Variants in DCPH1 observed in about 807,000 individuals in gnomAD.
DCPH1 encodes the protein damage-control phosphatase 1.
At chr6:151,464,301 G>C in the DCPH1 span, 5 of 509,756 alleles carry the variant, frequency 9.8e-6, no homozygotes, top group East Asian at 1.4e-4. Context: ...TGATTATTTA[G>C]TATTAAGTTT....
At chr6:151,457,195 G>A in the DCPH1 span, among the ~76,000 whole-genome samples, 3 of 152,154 alleles carry the variant, frequency 2.0e-5, no homozygotes, top group African/African-American at 4.8e-5. Flanking sequence ...TCAAACGTCC[G>A]TGCCCTTAGA....
At chr6:151,459,147 A>G in the DCPH1 span, among the ~76,000 whole-genome samples, 1 of 152,330 alleles carries the variant, frequency 6.6e-6, no homozygotes, top group East Asian at 1.9e-4. Context: ...AATAAAATAG[A>G]TAAATAAAGC....
the DCPH1 span, among the ~76,000 whole-genome samples, chr6:151,462,003 CAA>C: frequency 6.6e-6 from 1 of 152,150 alleles, no homozygotes; most frequent in Non-Finnish European, 1.5e-5. Flanking sequence ...TATCCTAGGT[CAA>C]TGGCAACTCC....
chr6:151,468,518 C>T, the DCPH1 span: 3,432 of 1,613,708 alleles, frequency 2.1e-3, 55 homozygotes, highest in African/African-American at 0.041. Context: ...AAAGCTTCTG[C>T]TACTAGAGTG....
At chr6:151,467,436 TA>T in the DCPH1 span, among the ~76,000 whole-genome samples, 6 of 149,832 alleles carry the variant, frequency 4.0e-5, no homozygotes, top group African/African-American at 7.3e-5. Flanking sequence ...CCATCTTTAT[TA>T]AAAAAAAAAT....
the DCPH1 span, chr6:151,458,385 T>C: frequency 1.2e-6 from 2 of 1,613,730 alleles, no homozygotes; most frequent in Non-Finnish European, 1.7e-6. Context: ...ACGGAATGAA[T>C]TGCAAACAGA....
the DCPH1 span, among the ~76,000 whole-genome samples, chr6:151,456,205 C>T: frequency 7.9e-5 from 12 of 152,138 alleles, no homozygotes; most frequent in Non-Finnish European, 1.5e-5. Flanking sequence ...AGACATAGGT[C>T]TTTAAACTTG....
At chr6:151,453,143 A>C in the DCPH1 span, among the ~76,000 whole-genome samples, 1 of 152,208 alleles carries the variant, frequency 6.6e-6, no homozygotes, top group Non-Finnish European at 1.5e-5. Flanking sequence ...CTTTGAAGAA[A>C]ATAAACCTGG....
At chr6:151,462,793 G>T in the DCPH1 span, among the ~76,000 whole-genome samples, 1 of 152,142 alleles carries the variant, frequency 6.6e-6, no homozygotes, top group Non-Finnish European at 1.5e-5. Context: ...ATATAGTTAT[G>T]TGAGTTTACT....
the DCPH1 span, among the ~76,000 whole-genome samples, chr6:151,454,180 C>T: frequency 6.6e-6 from 1 of 152,172 alleles, no homozygotes; most frequent in Non-Finnish European, 1.5e-5. Flanking sequence ...GGTGACTTAG[C>T]AGATAGTAGA....
chr6:151,457,850 C>T, the DCPH1 span, among the ~76,000 whole-genome samples: 1 of 151,982 alleles, frequency 6.6e-6, no homozygotes, highest in Non-Finnish European at 1.5e-5. Flanking sequence ...TTTGTCCCCA[C>T]TCCAATTGGC....
the DCPH1 span, chr6:151,458,623 C>A: frequency 2.1e-6 from 3 of 1,462,708 alleles, no homozygotes; most frequent in Non-Finnish European, 1.8e-6. Context: ...TATACTTTTT[C>A]TGAAATTGTA....
chr6:151,468,788 T>C, the DCPH1 span: 5 of 1,614,194 alleles, frequency 3.1e-6, no homozygotes, highest in Non-Finnish European at 4.2e-6. Context: ...AATCATATAT[T>C]TTGGACTCTG....
the DCPH1 span, chr6:151,452,534 T>A: frequency 1.2e-6 from 2 of 1,611,598 alleles, no homozygotes; most frequent in Admixed American, 1.7e-5. Context: ...GCGGCCGGGA[T>A]CGCGGAAAGT....
At chr6:151,467,301 T>C in the DCPH1 span, among the ~76,000 whole-genome samples, 1 of 151,888 alleles carries the variant, frequency 6.6e-6, no homozygotes, top group Non-Finnish European at 1.5e-5. Flanking sequence ...TCTCCTTATT[T>C]TAAATCACAA....
the DCPH1 span, among the ~76,000 whole-genome samples, chr6:151,457,406 A>G: frequency 1.3e-5 from 2 of 152,224 alleles, no homozygotes; most frequent in Non-Finnish European, 2.9e-5. Flanking sequence ...AGGGTGCCTG[A>G]CACCCTGTAA....
chr6:151,464,477 A>G, the DCPH1 span: 1 of 1,608,744 alleles, frequency 6.2e-7, no homozygotes, highest in Admixed American at 1.7e-5. Context: ...ACTTTGATGT[A>G]TTTAAAGAAT....
chr6:151,460,704 A>G, the DCPH1 span, among the ~76,000 whole-genome samples: 1 of 151,946 alleles, frequency 6.6e-6, no homozygotes, highest in African/African-American at 2.4e-5. Flanking sequence ...GAATCACTTG[A>G]ACCCAGGAGG....
the DCPH1 span, among the ~76,000 whole-genome samples, chr6:151,468,174 G>A: frequency 6.6e-6 from 1 of 152,212 alleles, no homozygotes; most frequent in Non-Finnish European, 1.5e-5. Context: ...ACAGCATCAT[G>A]TGAAATAATT....
Sources: gnomAD v4.1 joint callset for allele counts (sites outside exome capture counted in the v4.1 genomes callset) on GRCh38, gnomAD v4.1.1 for gene constraint, MANE v1.5 for transcripts, NCBI Gene and HGNC (gene_info 2026-07-23, HGNC 2026-07-21) for gene names.